The following SLC17A1 variants were observed in gnomAD, a reference collection of about 807,000 sequenced individuals.
SLC17A1 encodes the protein sodium-dependent phosphate transport protein 1.
Under a neutral mutation model 53.5 loss-of-function variants are expected in SLC17A1, and 51 were observed. That is an observed-to-expected ratio of 0.95 (90% CI 0.76 to 1.20). SLC17A1 has a LOEUF of 1.20. SLC17A1 is among the 50% of genes most tolerant of loss of function. SLC17A1 has a pLI of 0.00. For synonymous variants in SLC17A1, 179 were observed against 198.8 expected (o/e 0.90, Z 0.84); for missense variants, 538 against 568.2 (o/e 0.95, Z 0.54).
chr6:25,809,426 C>T (rs924523695), intron 10 of SLC17A1, among the ~76,000 whole-genome samples: 2 of 151,864 alleles, frequency 1.3e-5, no homozygotes, highest in Non-Finnish European at 2.9e-5. Flanking sequence ...CTTTTGAGAG[C>T]TTGGATTTAA....
chr6:25,796,162 A>G lies in SLC17A1; in HGVS notation c.*2+2621T>C, dbSNP rs1238218859. 2.6e-5 allele frequency among the ~76,000 whole-genome samples: 4 copies of G among 152,196 alleles called. No homozygotes were observed. In the South Asian group the frequency reaches 8.3e-4, roughly 31 times the overall value. ...TAGTGCTGTTATATGCTTATTTATA[A>G]GGACAATCTCAGATATTTCTACATT... On this transcript the variant is annotated intron_variant, in intron 12 of 12. Transcript: ENST00000244527.
At chr6:25,724,797 T>A in the SLC17A1 span, among the ~76,000 whole-genome samples, 2 of 152,250 alleles carry the variant, frequency 1.3e-5, no homozygotes, top group African/African-American at 4.8e-5. Context: ...TACCCAGTTT[T>A]ATTCAACATA....
chr6:25,733,782 CTGTG>C, the SLC17A1 span, among the ~76,000 whole-genome samples: 223 of 144,196 alleles, frequency 1.5e-3, no homozygotes, highest in South Asian at 0.01. Context: ...AAGCCTAATA[CTGTG>C]TGTGTGTGTG....
chr6:25,728,088 C>T, the SLC17A1 span, among the ~76,000 whole-genome samples: 1 of 152,164 alleles, frequency 6.6e-6, no homozygotes, highest in South Asian at 2.1e-4. Flanking sequence ...TAGCATTACA[C>T]ATAATAAAAC....
intron 3 of SLC17A1, among the ~76,000 whole-genome samples, chr6:25,821,542 C>T (rs17342717): frequency 0.06 from 9,146 of 152,190 alleles, 400 homozygotes; most frequent in Non-Finnish European, 0.097. Context: ...CAATATTCAC[C>T]CTTACCCATA....
chr6:25,756,491 A>T, the SLC17A1 span, among the ~76,000 whole-genome samples: 5 of 151,752 alleles, frequency 3.3e-5, no homozygotes, highest in African/African-American at 1.2e-4. Flanking sequence ...TGGCATTCTT[A>T]CTTCTTTCTT....
rs536683454 is a variant in SLC17A1 at position 25,794,409 on chromosome 6, C to T, written c.*2+4374G>A. The stretch of plus-strand genomic sequence containing the variant: ...CAACATAATCAGTCTCCTTTAGAAT[C>T]CTCTGCATTATATTCTGAGTTGTGG... On this transcript the variant is annotated intron_variant, in intron 12 of 12. Coordinates refer to ENST00000244527, the MANE Select transcript of SLC17A1 (RefSeq NM_005074.5). 5.5e-4 allele frequency among the ~76,000 whole-genome samples: 83 copies of T among 152,238 alleles called. 1 individual carries two copies. The highest frequency in any genetic ancestry group is 3.4e-3 in the Middle Eastern group (1 of 294).
At chr6:25,771,005 T>C in the SLC17A1 span, 1 of 1,613,446 alleles carries the variant, frequency 6.2e-7, no homozygotes, top group African/African-American at 1.3e-5. Context: ...ACGTCTTCTA[T>C]ATCTTTGGTG....
chr6:25,740,122 A>G, the SLC17A1 span, among the ~76,000 whole-genome samples: 52 of 152,334 alleles, frequency 3.4e-4, no homozygotes, highest in South Asian at 0.011. Context: ...TATAACTCAT[A>G]TCCATTAGTT....
the SLC17A1 span, among the ~76,000 whole-genome samples, chr6:25,742,512 C>CAAAAAAAAAAAAAAAAAAAAACAA: frequency 7.9e-6 from 1 of 127,144 alleles, no homozygotes; most frequent in Non-Finnish European, 1.6e-5. Context: ...AAAAACAATA[C>CAAAAAAAAAAAAAAAAAAAAACAA]AAAAAAAAAA....
At chr6:25,794,094 C>T (rs2151477273) in intron 12 of SLC17A1, among the ~76,000 whole-genome samples, 1 of 152,240 alleles carries the variant, frequency 6.6e-6, no homozygotes, top group African/African-American at 2.4e-5. Flanking sequence ...CCTGAGTTGA[C>T]CAATCAAAAT....
Position 25,826,636 on chromosome 6 carries a change from A to G in SLC17A1, c.35-3T>C, listed in dbSNP as rs768386381. ...GCGAAAGGAACAGAAACCTGGAACT[A>G]CAAAGTAAAACAGAAAGTCGCAATT... On this transcript the variant is annotated splice_region_variant and splice_polypyrimidine_tract_variant and intron_variant, in intron 2 of 12. Transcript: ENST00000244527. The G allele has an allele frequency of 1.5e-5, 23 of 1,552,956 alleles. No individual in the cohort carries two copies. The East Asian group carries it at 5.1e-4, about 35-fold the overall frequency.
At chr6:25,726,133 T>C in the SLC17A1 span, 1 of 1,524,618 alleles carries the variant, frequency 6.6e-7, no homozygotes. Flanking sequence ...AACCTTAAGT[T>C]ACTTGCTTTG....
chr6:25,738,010 G>A, the SLC17A1 span, among the ~76,000 whole-genome samples: 2 of 152,080 alleles, frequency 1.3e-5, no homozygotes, highest in South Asian at 4.1e-4. Context: ...AAGAAATTAA[G>A]GGCATATGGA....
At chr6:25,730,137 A>ATC in the SLC17A1 span, among the ~76,000 whole-genome samples, 10 of 152,212 alleles carry the variant, frequency 6.6e-5, no homozygotes, top group African/African-American at 2.4e-4. Context: ...CTACCATATA[A>ATC]TCCAACAATC....
chr6:25,726,126 C>CTT, the SLC17A1 span: 4 of 1,520,506 alleles, frequency 2.6e-6, no homozygotes, highest in African/African-American at 5.6e-5. Flanking sequence ...CAATGACAAC[C>CTT]TTAAGTTACT....
intron 12 of SLC17A1, among the ~76,000 whole-genome samples, chr6:25,787,212 G>A (rs888238112): frequency 2.0e-5 from 3 of 152,014 alleles, no homozygotes; most frequent in African/African-American, 2.4e-5. Flanking sequence ...TGGAGGCCAG[G>A]TGCAGTGGCT....
At chr6:25,728,745 C>T in the SLC17A1 span, among the ~76,000 whole-genome samples, 1 of 152,156 alleles carries the variant, frequency 6.6e-6, no homozygotes, top group Non-Finnish European at 1.5e-5. Flanking sequence ...ACCCGGGAGG[C>T]GGAGGTTGCA....
chr6:25,771,922 C>T, the SLC17A1 span, among the ~76,000 whole-genome samples: 1 of 152,214 alleles, frequency 6.6e-6, no homozygotes, highest in South Asian at 2.1e-4. Context: ...CTTCATGGAG[C>T]TGTGGTTGGA....
Sources: gnomAD v4.1 joint callset for allele counts (sites outside exome capture counted in the v4.1 genomes callset) on GRCh38, gnomAD v4.1.1 for gene constraint, MANE v1.5 for transcripts, NCBI Gene and HGNC (gene_info 2026-07-23, HGNC 2026-07-21) for gene names.